Variants in PRDM7 observed in about 807,000 individuals in gnomAD.
The protein encoded by PRDM7 is histone-lysine N-methyltransferase PRDM7.
Under a neutral mutation model 64.3 loss-of-function variants are expected in PRDM7, and 52 were observed. The observed-to-expected ratio is 0.81, with a 90% confidence interval of 0.65 to 1.02. The LOEUF (loss-of-function observed/expected upper bound fraction) is 1.02, where lower values mean the gene tolerates loss of function less well. Among genes scored for constraint, PRDM7 ranks in the 50% least tolerant of loss-of-function variants. PRDM7 has a pLI of 0.00. For synonymous variants in PRDM7, 192 were observed against 210.1 expected (o/e 0.91, Z 0.74); for missense variants, 574 against 597.1 (o/e 0.96, Z 0.40).
chr16:90,061,984 A>G lies in PRDM7; in HGVS notation c.819T>C (p.Phe273=), dbSNP rs2037786635. 1.2e-6 allele frequency: 2 copies of G among 1,614,272 alleles called. No homozygotes were observed. Among genetic ancestry groups the G allele is most frequent in the East Asian group, 2.2e-5 (1 of 44,888 alleles). ...CTGTAATTCGGCCCTCATAGGGGCCAAAGTGCAGACCCAGTGGCAGATCAG... is the reference window on the plus strand; with the variant it reads ...CTGTAATTCGGCCCTCATAGGGGCCGAAGTGCAGACCCAGTGGCAGATCAG... The part of the protein sequence containing the change: ...EASDLPLGLH[F]GPYEGRITED... The change falls in exon 8 of 11, where the codon TTT becomes TTC. Residue 273 remains phenylalanine, a synonymous_variant. Coordinates refer to ENST00000449207, the MANE Select transcript of PRDM7 (RefSeq NM_001098173.2).
intron 4 of PRDM7, among the ~76,000 whole-genome samples, chr16:90,068,172 G>A (rs1053361606): frequency 1.3e-5 from 2 of 149,368 alleles, no homozygotes; most frequent in African/African-American, 2.5e-5. Flanking sequence ...CCAGCTACTC[G>A]GGAGGCTGAG....
At chr16:90,062,243 ATATAAGAGCT>A in intron 7 of PRDM7, 51 bp from the exon 8 acceptor site, 2 of 1,614,206 alleles carry the variant, frequency 1.2e-6, no homozygotes, top group Non-Finnish European at 1.7e-6. Flanking sequence ...ATGTTCCTTG[ATATAAGAGCT>A]TCAGAAAGAG....
chr16:90,060,701 C>T lies in PRDM7; in HGVS notation c.951-78G>A, dbSNP rs562844132. 194 of 1,574,826 alleles carry T rather than the reference C, an allele frequency of 1.2e-4. 1 individual carries two copies. In the African/African-American group the frequency reaches 2.3e-3, roughly 18 times the overall value. On this transcript the variant is annotated intron_variant, in intron 9 of 10. Transcript: ENST00000449207. ...CAGGATGACTACAATGCTCATCCTG[C>T]CTAGAATGCTTCCCTGCTGTGCCTA...
intron 4 of PRDM7, among the ~76,000 whole-genome samples, chr16:90,069,239 G>A (rs2037922750): frequency 6.6e-6 from 1 of 151,128 alleles, no homozygotes; most frequent in Non-Finnish European, 1.5e-5. Context: ...CAGCAATGAT[G>A]CCAAGACTAC....
chr16:90,060,504 G>C lies in PRDM7; in HGVS notation c.1070C>G (p.Ser357Cys). 6.2e-7 allele frequency: 1 copy of C among 1,612,904 alleles called. No individual in the cohort carries two copies. The highest frequency in any genetic ancestry group is 8.5e-7 in the Non-Finnish European group (1 of 1,179,688). ...IRPGCELLVW[S>C]GDEYGQELGI... is the part of the protein sequence containing the mutation. ...CAGTTCCTGGCCATACTCATCCCCA[G>C]ACCAGACCAGCAGTTCACAGCCTGG... Residue 357 changes from serine (S) to cysteine (C), a missense_variant, in exon 10 of 11, where the codon TCT (serine) becomes TGT (cysteine). Physicochemically the swap from Ser to Cys is moderately radical, Grantham distance 112. Coordinates refer to ENST00000449207, the MANE Select transcript of PRDM7 (RefSeq NM_001098173.2).
rs201661430 is a variant in PRDM7, at chr16:90,058,170, T to C, written c.*119A>G. 1 of 1,614,122 alleles carries C rather than the reference T, an allele frequency of 6.2e-7. No individual in the cohort carries two copies. The highest frequency in any genetic ancestry group is 8.5e-7 in the Non-Finnish European group (1 of 1,180,048). ...ATTTGCCTGTGTTCCCTGGATTCAC[T>C]TTCTGGCCTGTTCTGGACTCTTCTT... On this transcript the variant is annotated 3_prime_UTR_variant, in exon 11 of 11. Coordinates refer to ENST00000449207, the MANE Select transcript of PRDM7 (RefSeq NM_001098173.2).
intron 10 of PRDM7, among the ~76,000 whole-genome samples, chr16:90,059,503 G>C (rs774212153): frequency 6.6e-6 from 1 of 152,226 alleles, no homozygotes; most frequent in African/African-American, 2.4e-5. Context: ...TTCCAAAAAT[G>C]AACCAAAGCT....
intron 5 of PRDM7, among the ~76,000 whole-genome samples, chr16:90,066,434 G>A (rs1369909071): frequency 6.6e-6 from 1 of 151,236 alleles, no homozygotes; most frequent in Non-Finnish European, 1.5e-5. Context: ...ATAAAACTAT[G>A]AAACTTTTAA....
intron 5 of PRDM7, among the ~76,000 whole-genome samples, chr16:90,066,528 T>C (rs2037875436): frequency 6.6e-6 from 1 of 151,186 alleles, no homozygotes; most frequent in Admixed American, 6.6e-5. Context: ...AACTGAACAT[T>C]TTTATACCTC....
rs1224270283 is a variant in PRDM7 at position 90,075,833 on chromosome 16, A to C, written c.69+9T>G. 3 of 1,613,152 alleles carry C rather than the reference A, an allele frequency of 1.9e-6. No homozygotes were observed. Among genetic ancestry groups the C allele is most frequent in the African/African-American group, 1.3e-5 (1 of 74,812 alleles). On this transcript the variant is annotated intron_variant, in intron 2 of 10. Coordinates refer to ENST00000449207, the MANE Select transcript of PRDM7 (RefSeq NM_001098173.2). The surrounding 1 kb of genome is among the most constrained non-coding windows in gnomAD (Gnocchi z 4.3). ...CTGGGAGTCTGGCTTCGCCTCCCCG[A>C]CTTCTCACCATGGGCTTCCGCTCTG... is the stretch of plus-strand genomic sequence containing the variant.
At chr16:90,067,617 G>A (rs2037896800) in intron 4 of PRDM7, among the ~76,000 whole-genome samples, 2 of 137,286 alleles carry the variant, frequency 1.5e-5, no homozygotes, top group Admixed American at 1.6e-4. Flanking sequence ...TTGAGATGGA[G>A]TCTCGCTCTG....
chr16:90,060,303 C>T (rs1453316860), intron 10 of PRDM7, 38 bp downstream of exon 10: 7 of 1,613,634 alleles, frequency 4.3e-6, no homozygotes, highest in Non-Finnish European at 5.1e-6. Context: ...ATAATTCTTT[C>T]TTTCCTGTCC....
intron 4 of PRDM7, 49 bp downstream of exon 4, chr16:90,074,867 G>A (rs772769163): frequency 1.8e-5 from 29 of 1,584,722 alleles, no homozygotes; most frequent in Non-Finnish European, 1.9e-5. Flanking sequence ...CAACAAGAGC[G>A]AAACTCCGTC....
At chr16:90,065,695 A>G (rs557427953) in intron 5 of PRDM7, among the ~76,000 whole-genome samples, 1 of 151,450 alleles carries the variant, frequency 6.6e-6, no homozygotes, top group African/African-American at 2.5e-5. Context: ...AGATTGAGCC[A>G]TTGCACTGCA....
At chr16:90,063,550 C>A (rs2037818481) in intron 6 of PRDM7, 62 bp downstream of exon 6, 1 of 1,582,860 alleles carries the variant, frequency 6.3e-7, no homozygotes, top group African/African-American at 1.3e-5. Context: ...ATAGGTAGAC[C>A]ATACTCACCA....
intron 9 of PRDM7, among the ~76,000 whole-genome samples, chr16:90,060,864 C>CTGCTTCTAG (rs1314962428): frequency 2.0e-5 from 3 of 152,194 alleles, no homozygotes; most frequent in Non-Finnish European, 4.4e-5. Context: ...TCACGTTGCT[C>CTGCTTCTAG]TGCTTCTAGA....
At chr16:90,073,607 G>A (rs2037993462) in intron 4 of PRDM7, among the ~76,000 whole-genome samples, 4 of 151,996 alleles carry the variant, frequency 2.6e-5, no homozygotes, top group African/African-American at 9.7e-5. Context: ...CACCGTGTTA[G>A]CCAGGATGGT....
Position 90,058,485 on chromosome 16 carries a change from T to C in PRDM7, c.1283A>G (p.Gln428Arg), listed in dbSNP as rs1396028629. Residue 428 changes from glutamine to arginine, a missense_variant, in exon 11 of 11, where the codon CAA becomes CGA. Coordinates refer to ENST00000449207, the MANE Select transcript of PRDM7 (RefSeq NM_001098173.2). Reference protein sequence around the residue: ...IHVPHAVWPFQVKNFSVNMWN... With the variant: ...IHVPHAVWPFRVKNFSVNMWN... ...CATGTTGACTGAGAAATTTTTGACT[T>C]GAAAAGGCCAGACAGCATGAGGGAC... 4 of 1,614,192 alleles carry C rather than the reference T, an allele frequency of 2.5e-6. No homozygotes were observed. The South Asian group carries it at 4.4e-5, about 18-fold the overall frequency.
At chr16:90,062,541 T>C (rs1179294479) in intron 6 of PRDM7, 39 bp from the exon 7 acceptor site, 1 of 1,514,232 alleles carries the variant, frequency 6.6e-7, no homozygotes. Flanking sequence ...ATTGGGAGTC[T>C]GGGGTGTTTG....
Sources: gnomAD v4.1 joint callset for allele counts (sites outside exome capture counted in the v4.1 genomes callset) on GRCh38, gnomAD v4.1.1 for gene constraint, Gnocchi (gnomAD v3.1) non-coding constraint, MANE v1.5 for transcripts, NCBI Gene and HGNC (gene_info 2026-07-23, HGNC 2026-07-21) for gene names.